ASTN2: variants seen among roughly 807,000 people sequenced by gnomAD.
ASTN2 encodes astrotactin-2.
Under a neutral mutation model 139.8 loss-of-function variants are expected in ASTN2, and 54 were observed. The ratio of observed to expected loss-of-function variants is 0.39; its 90% CI spans 0.31 to 0.48. The LOEUF (loss-of-function observed/expected upper bound fraction) is 0.48, where lower values mean the gene tolerates loss of function less well. ASTN2 is among the 20% of genes least tolerant of loss of function. The probability of loss-of-function intolerance (pLI) is 0.95; values close to 1 mark genes in which losing one functional copy is unlikely to be tolerated. For synonymous variants in ASTN2, 756 were observed against 719.5 expected, an observed-to-expected ratio of 1.05 and a Z score of -0.81; for missense variants, 1,565 against 1,725.1, an observed-to-expected ratio of 0.91 and a Z score of 1.64.
chr9:116,680,235 A>G (rs926421596), intron 16 of ASTN2, among the ~76,000 whole-genome samples: 1 of 152,248 alleles, frequency 6.6e-6, no homozygotes, highest in African/African-American at 2.4e-5. Context: ...ATCAGAGAAT[A>G]CTACAAACAC....
At chr9:117,105,751 A>G (rs188794446) in intron 4 of ASTN2, among the ~76,000 whole-genome samples, 1 of 152,200 alleles carries the variant, frequency 6.6e-6, no homozygotes, top group Non-Finnish European at 1.5e-5. Flanking sequence ...GTGTCCAGAG[A>G]CCCTGGTCCT....
chr9:117,203,935 T>C (rs1364076097), intron 3 of ASTN2, among the ~76,000 whole-genome samples: 2 of 152,120 alleles, frequency 1.3e-5, no homozygotes, highest in African/African-American at 4.8e-5. Flanking sequence ...GCTGCCCGGA[T>C]TCATCAGAAC....
intron 16 of ASTN2, among the ~76,000 whole-genome samples, chr9:116,671,444 C>T (rs1192609228): frequency 6.6e-6 from 1 of 151,438 alleles, no homozygotes; most frequent in Non-Finnish European, 1.5e-5. Context: ...AAAAGTAGAA[C>T]TAAGTAGGCC....
In ASTN2 at chr9:116,915,062, A is replaced by G. The variant is rs1249817955; in HGVS notation, c.1890-51329T>C. 2.0e-5 allele frequency among the ~76,000 whole-genome samples: 3 copies of G among 152,314 alleles called. No homozygotes were observed. The East Asian group carries it at 5.8e-4, about 29-fold the overall frequency. ...ACAGCCCCTTCTCCCAAAATGTGAGATGTTCTTTGCAAACTTTTCTTAGGG... is the reference window on the plus strand; with the variant it reads ...ACAGCCCCTTCTCCCAAAATGTGAGGTGTTCTTTGCAAACTTTTCTTAGGG... On this transcript the variant is annotated intron_variant, in intron 10 of 22. Coordinates refer to ENST00000313400, the MANE Select transcript of ASTN2 (RefSeq NM_001365068.1).
intron 10 of ASTN2, among the ~76,000 whole-genome samples, chr9:116,950,015 A>G (rs1014523336): frequency 6.6e-6 from 1 of 151,486 alleles, no homozygotes; most frequent in Non-Finnish European, 1.5e-5. Flanking sequence ...TTATTTCAGT[A>G]TCAGTTATGA....
At chr9:117,263,774 G>A (rs944599815) in intron 2 of ASTN2, among the ~76,000 whole-genome samples, 3 of 152,028 alleles carry the variant, frequency 2.0e-5, no homozygotes, top group Admixed American at 1.3e-4. Flanking sequence ...TGTTCACAAC[G>A]TTTTTCTTAA....
chr9:116,449,971 C>T (rs1307460122), intron 20 of ASTN2, among the ~76,000 whole-genome samples: 1 of 152,218 alleles, frequency 6.6e-6, no homozygotes, highest in African/African-American at 2.4e-5. Context: ...GGAGCAAAGA[C>T]AGCCCAACCT....
At chr9:116,777,947 A>G (rs1351929080) in intron 13 of ASTN2, among the ~76,000 whole-genome samples, 1 of 151,962 alleles carries the variant, frequency 6.6e-6, no homozygotes, top group African/African-American at 2.4e-5. Flanking sequence ...GGTTCAAGCA[A>G]TTCTCCCGCC....
intron 4 of ASTN2, among the ~76,000 whole-genome samples, chr9:117,104,777 T>C (rs2132771368): frequency 6.6e-6 from 1 of 152,310 alleles, no homozygotes; most frequent in East Asian, 1.9e-4. Context: ...TGCTTGCTAA[T>C]AAACAAAGAT....
At chr9:116,790,296 C>T (rs1408707234) in intron 13 of ASTN2, among the ~76,000 whole-genome samples, 3 of 152,104 alleles carry the variant, frequency 2.0e-5, no homozygotes, top group African/African-American at 7.2e-5. Context: ...TGTTATGTTC[C>T]CTGACTTCAT....
At chr9:116,863,239 A>G (rs1832937612) in intron 11 of ASTN2, among the ~76,000 whole-genome samples, 1 of 152,212 alleles carries the variant, frequency 6.6e-6, no homozygotes, top group Admixed American at 6.5e-5. Flanking sequence ...CCTCATTGAC[A>G]TCCCGCCTAC....
intron 1 of ASTN2, among the ~76,000 whole-genome samples, chr9:117,327,696 A>G (rs1180459048): frequency 6.6e-6 from 1 of 152,222 alleles, no homozygotes; most frequent in African/African-American, 2.4e-5. Flanking sequence ...AAACCGATGC[A>G]GAAGTCCCTA....
intron 3 of ASTN2, among the ~76,000 whole-genome samples, chr9:117,179,958 A>G (rs1831015515): frequency 6.6e-6 from 1 of 152,190 alleles, no homozygotes; most frequent in African/African-American, 2.4e-5. Context: ...TTCTCATTTG[A>G]TAGATGGGAA....
chr9:116,601,164 T>C (rs989686894), intron 19 of ASTN2, among the ~76,000 whole-genome samples: 1 of 152,176 alleles, frequency 6.6e-6, no homozygotes, highest in Admixed American at 6.5e-5. Flanking sequence ...ATAAGTGACA[T>C]TTAAACTGAG....
chr9:117,003,949 C>CGTGTGTGTGT (rs1414573515), intron 7 of ASTN2, among the ~76,000 whole-genome samples: 3 of 128,676 alleles, frequency 2.3e-5, no homozygotes, highest in African/African-American at 1.1e-4. Flanking sequence ...CACGCGCGCG[C>CGTGTGTGTGT]GCGCGTGTGT....
intron 20 of ASTN2, among the ~76,000 whole-genome samples, chr9:116,466,173 G>A (rs1848643009): frequency 6.6e-6 from 1 of 152,218 alleles, no homozygotes; most frequent in Non-Finnish European, 1.5e-5. Context: ...GTGGAAGAGT[G>A]ATAGAGCTGG....
intron 3 of ASTN2, among the ~76,000 whole-genome samples, chr9:117,191,767 C>A (rs1460634155): frequency 1.3e-5 from 2 of 152,186 alleles, no homozygotes; most frequent in Non-Finnish European, 1.5e-5. Context: ...AGAGAACAGT[C>A]GCTTCAGCCC....
At chr9:116,979,197 G>T (rs1205030039) in intron 7 of ASTN2, among the ~76,000 whole-genome samples, 3 of 152,134 alleles carry the variant, frequency 2.0e-5, no homozygotes, top group Admixed American at 6.5e-5. Flanking sequence ...AACAAAAATG[G>T]TAGTAAGACA....
At chr9:116,649,032 T>TCAAA (rs932701729) in intron 17 of ASTN2, among the ~76,000 whole-genome samples, 11 of 151,958 alleles carry the variant, frequency 7.2e-5, no homozygotes, top group Admixed American at 5.2e-4. Context: ...AGACTCAGTC[T>TCAAA]CAAACAAACA....
Sources: allele counts gnomAD v4.1 joint callset (sites outside exome capture counted in the v4.1 genomes callset), GRCh38; gene constraint gnomAD v4.1.1; transcripts MANE v1.5; gene names NCBI Gene and HGNC (gene_info 2026-07-23, HGNC 2026-07-21).